Variants in FBXL17 observed in about 807,000 individuals in gnomAD.
The protein encoded by FBXL17 is F-box/LRR-repeat protein 17.
Under a neutral mutation model 66.2 loss-of-function variants are expected in FBXL17, and 22 were observed. The ratio of observed to expected loss-of-function variants is 0.33; its 90% CI spans 0.24 to 0.47. The LOEUF (loss-of-function observed/expected upper bound fraction) is 0.47, where lower values mean the gene tolerates loss of function less well. FBXL17 is among the 20% of genes least tolerant of loss of function. The probability of loss-of-function intolerance (pLI) is 1.00; values close to 1 mark genes in which losing one functional copy is unlikely to be tolerated. For missense variants in FBXL17, 878 were observed against 948.2 expected (o/e 0.93, Z 0.97); for synonymous variants, 474 against 400.5 (o/e 1.18, Z -2.19).
At chr5:108,308,043 T>A (rs1357276089) in intron 4 of FBXL17, among the ~76,000 whole-genome samples, 4 of 152,088 alleles carry the variant, frequency 2.6e-5, no homozygotes, top group Non-Finnish European at 1.5e-5. Context: ...CAGATTCAGG[T>A]TCTTGGTTCT....
intron 4 of FBXL17, among the ~76,000 whole-genome samples, chr5:108,259,262 C>T (rs1468151957): frequency 2.0e-5 from 3 of 152,150 alleles, no homozygotes; most frequent in Non-Finnish European, 4.4e-5. Context: ...TAAAAAATGT[C>T]TATCGATATG....
At chr5:108,378,097 A>G (rs1234476593) in intron 1 of FBXL17, among the ~76,000 whole-genome samples, 1 of 152,142 alleles carries the variant, frequency 6.6e-6, no homozygotes, top group Non-Finnish European at 1.5e-5. Context: ...TATTATATTA[A>G]AATGCATTTT....
In FBXL17 at chr5:107,970,382, T is replaced by G. The variant is rs563339903; in HGVS notation, c.1822+50543A>C. Among the ~76,000 whole-genome samples, 30 of 152,258 alleles carry G rather than the reference T, an allele frequency of 2.0e-4. No homozygotes were observed. In the South Asian group the frequency reaches 6.2e-3, roughly 32 times the overall value. On this transcript the variant is annotated intron_variant, in intron 7 of 8. Transcript: ENST00000542267. ...ATATACAGCAAAACATCCCCTTATA[T>G]ATTTTCTGTGGGAAAAATATTTCAG...
intron 4 of FBXL17, among the ~76,000 whole-genome samples, chr5:108,259,341 T>G (rs906849276): frequency 3.9e-5 from 6 of 152,238 alleles, no homozygotes; most frequent in African/African-American, 1.4e-4. Context: ...AAGCTCATTT[T>G]ATTATGAAAA....
intron 4 of FBXL17, among the ~76,000 whole-genome samples, chr5:108,277,903 T>C (rs1272026334): frequency 6.6e-6 from 1 of 152,272 alleles, no homozygotes; most frequent in Middle Eastern, 3.2e-3. Flanking sequence ...AATACTTTTC[T>C]TTCAAGATAG....
At chr5:108,028,365 T>A (rs956231221) in intron 6 of FBXL17, among the ~76,000 whole-genome samples, 6 of 152,138 alleles carry the variant, frequency 3.9e-5, no homozygotes, top group Non-Finnish European at 8.8e-5. Context: ...CCCAGCCTGT[T>A]CCCTTTATCT....
chr5:107,965,478 G>A (rs1400959012), intron 7 of FBXL17, among the ~76,000 whole-genome samples: 4 of 152,046 alleles, frequency 2.6e-5, no homozygotes, highest in Admixed American at 6.6e-5. Flanking sequence ...TAAAATAGAG[G>A]TCAATGAGTG....
intron 6 of FBXL17, among the ~76,000 whole-genome samples, chr5:108,069,429 T>C (rs1444654952): frequency 6.6e-6 from 1 of 152,226 alleles, no homozygotes; most frequent in Non-Finnish European, 1.5e-5. Context: ...GTGCTATCTA[T>C]GTGCAATGAA....
At chr5:108,048,099 A>T (rs1184966940) in intron 6 of FBXL17, among the ~76,000 whole-genome samples, 1 of 152,214 alleles carries the variant, frequency 6.6e-6, no homozygotes, top group Non-Finnish European at 1.5e-5. Context: ...GCAGGCAGCC[A>T]TCTGTGCTGT....
chr5:108,277,602 T>G lies in FBXL17; in HGVS notation c.1507-53374A>C, dbSNP rs559663113. Reference sequence around the variant, plus strand: ...ACAAAAAGCCAAACACTAATTTATTTGGTCATTCTGAAAAGAGCTTAGAGT... The same window carrying G: ...ACAAAAAGCCAAACACTAATTTATTGGGTCATTCTGAAAAGAGCTTAGAGT... On this transcript the variant is annotated intron_variant, in intron 4 of 8. Transcript: ENST00000542267. Among the ~76,000 whole-genome samples, 29 of 152,348 alleles carry G rather than the reference T, an allele frequency of 1.9e-4. No individual in the cohort carries two copies. The Middle Eastern group carries it at 0.01, about 54-fold the overall frequency.
intron 7 of FBXL17, among the ~76,000 whole-genome samples, chr5:107,985,811 G>T (rs530780494): frequency 6.6e-6 from 1 of 152,252 alleles, no homozygotes; most frequent in South Asian, 2.1e-4. Flanking sequence ...TTTTAAATAA[G>T]TCATAATCTC....
intron 6 of FBXL17, among the ~76,000 whole-genome samples, chr5:108,157,475 CAAAT>C (rs1340040819): frequency 6.6e-6 from 1 of 151,236 alleles, no homozygotes; most frequent in African/African-American, 2.4e-5. Flanking sequence ...GGAAAACTCA[CAAAT>C]AAAACTTTTT....
At chr5:108,144,670 T>C (rs1751489467) in intron 6 of FBXL17, among the ~76,000 whole-genome samples, 1 of 152,178 alleles carries the variant, frequency 6.6e-6, no homozygotes, top group Admixed American at 6.5e-5. Context: ...TCATAAACAT[T>C]CCTCATACAG....
At chr5:108,300,447 A>T (rs1016281481) in intron 4 of FBXL17, among the ~76,000 whole-genome samples, 1 of 151,892 alleles carries the variant, frequency 6.6e-6, no homozygotes, top group Non-Finnish European at 1.5e-5. Flanking sequence ...AGAAATAAAT[A>T]TAATAGTTGT....
At chr5:108,237,692 A>G (rs1298723454) in intron 4 of FBXL17, among the ~76,000 whole-genome samples, 1 of 152,168 alleles carries the variant, frequency 6.6e-6, no homozygotes, top group Non-Finnish European at 1.5e-5. Context: ...CACAAGACCA[A>G]CTAAAGGAAT....
intron 4 of FBXL17, among the ~76,000 whole-genome samples, chr5:108,259,578 T>C (rs952872316): frequency 6.6e-6 from 1 of 151,662 alleles, no homozygotes; most frequent in African/African-American, 2.4e-5. Context: ...ATATGACTAA[T>C]GGGGCTTTGT....
intron 8 of FBXL17, among the ~76,000 whole-genome samples, chr5:107,862,983 G>A (rs565834275): frequency 6.6e-6 from 1 of 151,624 alleles, no homozygotes; most frequent in South Asian, 2.1e-4. Context: ...TCAACATTGT[G>A]TTGATGATAC....
intron 6 of FBXL17, among the ~76,000 whole-genome samples, chr5:108,171,512 T>G (rs1463812490): frequency 6.6e-6 from 1 of 152,222 alleles, no homozygotes; most frequent in Admixed American, 6.5e-5. Flanking sequence ...ATTAAATAAC[T>G]TAATGAATGA....
intron 7 of FBXL17, among the ~76,000 whole-genome samples, chr5:107,947,683 T>C (rs1365386986): frequency 2.0e-5 from 3 of 152,222 alleles, no homozygotes; most frequent in Admixed American, 6.5e-5. Context: ...AGCAGGGTTC[T>C]AGCAGATAGC....
Sources: gnomAD v4.1 joint callset for allele counts (sites outside exome capture counted in the v4.1 genomes callset) on GRCh38, gnomAD v4.1.1 for gene constraint, MANE v1.5 for transcripts, NCBI Gene and HGNC (gene_info 2026-07-23, HGNC 2026-07-21) for gene names.